LIPN: variants seen among roughly 807,000 people sequenced by gnomAD.
LIPN encodes lipase family member N.
In LIPN, 32 loss-of-function variants were observed where a neutral mutation model predicts 43.7. The observed-to-expected ratio is 0.73, with a 90% CI of 0.55 to 0.98. The LOEUF is 0.98. Among genes scored for constraint, LIPN ranks in the 50% least tolerant of loss-of-function variants. The pLI is 0.00. For missense variants in LIPN, 505 were observed against 483.8 expected, an observed-to-expected ratio of 1.04 and a Z score of -0.41; for synonymous variants, 156 against 157.6, an observed-to-expected ratio of 0.99 and a Z score of 0.08.
upstream of LIPN, among the ~76,000 whole-genome samples, chr10:88,759,806 C>T (rs1357640686): frequency 6.6e-6 from 1 of 152,106 alleles, no homozygotes; most frequent in African/African-American, 2.4e-5. Flanking sequence ...GTCTTCCCAA[C>T]AATGACAGAT....
At chr10:88,761,649 T>A in intron 2 of LIPN, 136 bp downstream of exon 2, 3 of 611,060 alleles carry the variant, frequency 4.9e-6, no homozygotes, top group Non-Finnish European at 8.5e-6. Flanking sequence ...TCTGCAAGAG[T>A]CAAGCTAGTT....
rs776491389 is a variant in LIPN, at chr10:88,761,499, G to T, written c.94G>T (p.Val32Leu). Residue 32 changes from valine (V) to leucine (L), a missense_variant, in exon 2 of 10, where the codon GTG becomes TTG. Transcript: ENST00000404459. The part of the protein sequence containing the change: ...LDLENEVNPE[V>L]WMNTSEIIIY... ...TTTGGAAAATGAAGTGAATCCTGAGGTGTGGATGAATACTGTAAGTCATGG... is the reference window on the plus strand; with the variant it reads ...TTTGGAAAATGAAGTGAATCCTGAGTTGTGGATGAATACTGTAAGTCATGG... 3 of 1,609,378 alleles carry T rather than the reference G, an allele frequency of 1.9e-6. No homozygotes were observed. In the South Asian group the frequency reaches 3.3e-5, roughly 18 times the overall value.
chr10:88,775,412 G>T (rs1183929650), intron 9 of LIPN, among the ~76,000 whole-genome samples: 1 of 151,790 alleles, frequency 6.6e-6, no homozygotes, highest in Non-Finnish European at 1.5e-5. Context: ...ACATTTTGGT[G>T]TATTTATTCC....
chr10:88,762,204 A>G lies in LIPN; in HGVS notation c.125A>G (p.Tyr42Cys). 1 of 1,596,384 alleles carries G rather than the reference A, an allele frequency of 6.3e-7. No homozygotes were observed. The highest frequency in any genetic ancestry group is 8.6e-7 in the Non-Finnish European group (1 of 1,166,796). ...VWMNTSEIII[Y>C]NGYPSEEYEV... ...ACTGGGCAGAGTGAAATCATCATCT[A>G]CAATGGCTACCCCAGTGAAGAGTAT... The change falls in exon 3 of 10, where the codon TAC becomes TGC. Residue 42 changes from tyrosine (Y) to cysteine (C), a missense_variant. Transcript: ENST00000404459.
In LIPN at chr10:88,777,881, T is replaced by C. The variant is rs1200177803; in HGVS notation, c.964-128T>C. On this transcript the variant is annotated intron_variant, in intron 9 of 9. Coordinates refer to ENST00000404459, the MANE Select transcript of LIPN (RefSeq NM_001102469.2). ...AATTTCTTAAAGGTAGAGACCATTG[T>C]ATGTTTTCTTCATATGTTGCTGGTG... The C allele has an allele frequency of 1.7e-5, 10 of 591,734 alleles. No individual in the cohort carries two copies. In the East Asian group the frequency reaches 2.2e-4, roughly 13 times the overall value. The allele number at this position is 591,734 out of a possible 1,614,324, so 36.7% of individuals were successfully genotyped here.
intron 7 of LIPN, among the ~76,000 whole-genome samples, chr10:88,773,038 G>C (rs886551252): frequency 6.6e-6 from 1 of 151,626 alleles, no homozygotes; most frequent in Non-Finnish European, 1.5e-5. Flanking sequence ...CATGTTCATG[G>C]ATTGCAAGAA....
In LIPN at chr10:88,778,122, C is replaced by G. The variant is rs1421195367; in HGVS notation, c.1077C>G (p.Ile359Met). The G allele has an allele frequency of 1.9e-6, 3 of 1,613,478 alleles. No individual in the cohort carries two copies. Among genetic ancestry groups the G allele is most frequent in the African/African-American group, 1.3e-5 (1 of 74,904 alleles). ...PQDVARILPQ[I>M]KSLHYFKLLP... ...ATGTGGCCAGGATACTCCCTCAAATCAAGAGTCTTCATTACTTTAAGCTAT... is the reference window on the plus strand; with the variant it reads ...ATGTGGCCAGGATACTCCCTCAAATGAAGAGTCTTCATTACTTTAAGCTAT... Residue 359 changes from isoleucine (I) to methionine (M), a missense_variant, in exon 10 of 10, where the codon ATC (isoleucine) becomes ATG (methionine). Ile to Met is a conservative substitution (Grantham distance 10). Coordinates refer to ENST00000404459, the MANE Select transcript of LIPN (RefSeq NM_001102469.2).
chr10:88,763,618 C>A (rs1449991732), intron 3 of LIPN, among the ~76,000 whole-genome samples: 2 of 151,992 alleles, frequency 1.3e-5, no homozygotes, highest in African/African-American at 2.4e-5. Context: ...AGCTGACAGA[C>A]CAGAATTTAA....
chr10:88,769,044 T>TA (rs1843161037), intron 6 of LIPN, 116 bp downstream of exon 6: 1 of 1,028,658 alleles, frequency 9.7e-7, no homozygotes, highest in Non-Finnish European at 1.4e-6. Flanking sequence ...CTATAGAACT[T>TA]AGACTCTGTG....
Position 88,775,163 on chromosome 10 carries a change from G to T in LIPN, c.963G>T (p.Gln321His). ...NDADNMKHYN[Q>H]SHPPIYDLTA... ...CTGATAATATGAAACATTACAATCA[G>T]GTGAGCTATTTACAGTAACCCCAGC... Residue 321 changes from glutamine (Q) to histidine (H), a missense_variant and splice_region_variant, in exon 9 of 10, where the codon CAG (glutamine) becomes CAT (histidine). By Grantham distance (24) the Gln-to-His change is conservative (BLOSUM62 0). Transcript: ENST00000404459. 6.5e-7 allele frequency: 1 copy of T among 1,538,322 alleles called. No individual in the cohort carries two copies. The highest frequency in any genetic ancestry group is 8.8e-7 in the Non-Finnish European group (1 of 1,137,486).
At chr10:88,762,141 A>C in intron 2 of LIPN, 47 bp from the exon 3 acceptor site, 1 of 972,526 alleles carries the variant, frequency 1.0e-6, no homozygotes, top group Non-Finnish European at 1.6e-6. Flanking sequence ...ATTCCTTTTT[A>C]TATCCTTTGG....
upstream of LIPN, among the ~76,000 whole-genome samples, chr10:88,757,864 A>G (rs1404586515): frequency 6.6e-6 from 1 of 152,158 alleles, no homozygotes; most frequent in Non-Finnish European, 1.5e-5. Context: ...TTAGGATGCA[A>G]AATAAATTAG....
Position 88,777,956 on chromosome 10 carries a change from T to G in LIPN, c.964-53T>G. 5.5e-6 allele frequency: 6 copies of G among 1,099,602 alleles called. No individual in the cohort carries two copies. The Admixed American group carries it at 1.1e-4, about 20-fold the overall frequency. The allele number at this position is 1,099,602 out of a possible 1,614,324, so 68.1% of individuals were successfully genotyped here. On this transcript the variant is annotated intron_variant, in intron 9 of 9. Coordinates refer to ENST00000404459, the MANE Select transcript of LIPN (RefSeq NM_001102469.2). Reference sequence around the variant, plus strand: ...CACATTCATTTAGCAGCCTTTGTAGTTATTGCTTTGAGGAGCTTCCTCTCA... The same window carrying G: ...CACATTCATTTAGCAGCCTTTGTAGGTATTGCTTTGAGGAGCTTCCTCTCA...
rs879113408 is a variant in LIPN, at chr10:88,775,016, C to A, written c.892-76C>A. On this transcript the variant is annotated intron_variant, in intron 8 of 9. Transcript: ENST00000404459. Reference sequence around the variant, plus strand: ...GCCCTATTTTCGTCCTAGCATACAGCATTTTTCTAAAATTTGCTGTTAGCT... The same window carrying A: ...GCCCTATTTTCGTCCTAGCATACAGAATTTTTCTAAAATTTGCTGTTAGCT... 4.2e-6 allele frequency: 4 copies of A among 952,856 alleles called. No homozygotes were observed. The South Asian group carries it at 4.6e-5, about 11-fold the overall frequency. The allele number at this position is 952,856 out of a possible 1,614,324, so 59.0% of individuals were successfully genotyped here.
intron 2 of LIPN, 108 bp from the exon 3 acceptor site, chr10:88,762,080 C>T (rs1258949864): frequency 1.3e-5 from 7 of 521,792 alleles, no homozygotes; most frequent in Admixed American, 3.2e-5. Context: ...CCTGGTGCTA[C>T]AAATTTCAGA....
chr10:88,775,383 G>C (rs1843281281), intron 9 of LIPN, among the ~76,000 whole-genome samples: 1 of 151,692 alleles, frequency 6.6e-6, no homozygotes, highest in Non-Finnish European at 1.5e-5. Flanking sequence ...CTTCCATCCA[G>C]AGATAACTAG....
Position 88,778,073 on chromosome 10 carries a change from A to G in LIPN, c.1028A>G (p.His343Arg), listed in dbSNP as rs372342112. Residue 343 changes from histidine (H) to arginine (R), a missense_variant, in exon 10 of 10, where the codon CAT (histidine) becomes CGT (arginine). By Grantham distance (29) the His-to-Arg change is conservative. Transcript: ENST00000404459. ...CCTACTGCTATTTGGGCTGGTGGAC[A>G]TGATGTCCTCGTAACACCCCAGGAT... ...KVPTAIWAGGHDVLVTPQDVA... is the reference protein window; with the variant it reads ...KVPTAIWAGGRDVLVTPQDVA... 4 of 1,613,532 alleles carry G rather than the reference A, an allele frequency of 2.5e-6. No individual in the cohort carries two copies. Among genetic ancestry groups the G allele is most frequent in the African/African-American group, 1.3e-5 (1 of 74,894 alleles).
chr10:88,770,150 G>T (rs1278565539), intron 6 of LIPN, among the ~76,000 whole-genome samples: 2 of 151,746 alleles, frequency 1.3e-5, no homozygotes, highest in Non-Finnish European at 2.9e-5. Context: ...TCCCCCAGAA[G>T]CTCCAAGACC....
chr10:88,775,496 A>G (rs1843282978), intron 9 of LIPN, among the ~76,000 whole-genome samples: 1 of 152,000 alleles, frequency 6.6e-6, no homozygotes, highest in Non-Finnish European at 1.5e-5. Flanking sequence ...GTAAGAGATA[A>G]CTAATATAAC....
Sources: allele counts gnomAD v4.1 joint callset (sites outside exome capture counted in the v4.1 genomes callset), GRCh38; gene constraint gnomAD v4.1.1; transcripts MANE v1.5; gene names NCBI Gene and HGNC (gene_info 2026-07-23, HGNC 2026-07-21).